Variants in AUTS2 observed in about 807,000 individuals in gnomAD.
The protein encoded by AUTS2 is autism susceptibility gene 2 protein.
A neutral mutation model predicts 112.4 loss-of-function variants in AUTS2; 17 were observed. That is an observed-to-expected ratio of 0.15 (90% CI 0.10 to 0.23). The LOEUF is 0.23. AUTS2 is among the 10% of genes least tolerant of loss of function. The pLI is 1.00. For missense variants in AUTS2, 1,510 were observed against 1,701.6 expected (o/e 0.89, Z 1.98); for synonymous variants, 751 against 702.7 (o/e 1.07, Z -1.09).
chr7:70,537,458 C>G (rs1489394894), intron 5 of AUTS2, among the ~76,000 whole-genome samples: 1 of 152,236 alleles, frequency 6.6e-6, no homozygotes, highest in Non-Finnish European at 1.5e-5. Context: ...GCCTCCTTTC[C>G]TGAGTTGATT....
chr7:70,450,333 ATGCAAAAAACTGAGCCATACTC>A (rs1796480053), intron 5 of AUTS2, among the ~76,000 whole-genome samples: 1 of 152,162 alleles, frequency 6.6e-6, no homozygotes, highest in Non-Finnish European at 1.5e-5. Flanking sequence ...TGATGTCTGA[ATGCAAAAAACTGAGCCATACTC>A]TGTAAGGGAG....
At position 70,698,602 on chromosome 7, in the gene AUTS2, A is replaced by G; in HGVS notation, c.724A>G (p.Thr242Ala). 6.2e-7 allele frequency: 1 copy of G among 1,607,352 alleles called. No homozygotes were observed. The highest frequency in any genetic ancestry group is 8.5e-7 in the Non-Finnish European group (1 of 1,177,090). The change falls in exon 6 of 19, where the codon ACT becomes GCT. Residue 242 changes from threonine to alanine, a missense_variant. Physicochemically the swap from Thr to Ala is moderately conservative, Grantham distance 58. Around this residue, in one of 3 missense-constraint regions of AUTS2, gnomAD observed 535 missense variants for 594.3 expected, o/e 0.90. Transcript: ENST00000342771. ...TGCCAGCTCTGAAAAACTCTTCAACACTGTTATTGTAAACAAAGGTAAGAC... is the reference window on the plus strand; with the variant it reads ...TGCCAGCTCTGAAAAACTCTTCAACGCTGTTATTGTAAACAAAGGTAAGAC... ...SDASSEKLFN[T>A]VIVNKDPELG...
intron 3 of AUTS2, among the ~76,000 whole-genome samples, chr7:70,122,843 C>CT (rs1471009828): frequency 2.1e-5 from 3 of 143,872 alleles, no homozygotes; most frequent in African/African-American, 7.7e-5. Flanking sequence ...CTATGGCAAT[C>CT]TGAAATCTGC....
chr7:70,642,790 C>CGTTAA lies in AUTS2; in HGVS notation c.691-55777_691-55776insTAAGT, dbSNP rs34399786. Among the ~76,000 whole-genome samples the CGTTAA allele has an allele frequency of 2.6e-5, 4 of 151,812 alleles. No individual in the cohort carries two copies. In the East Asian group the frequency reaches 5.8e-4, roughly 22 times the overall value. On this transcript the variant is annotated intron_variant, in intron 5 of 18. Coordinates refer to ENST00000342771, the MANE Select transcript of AUTS2 (RefSeq NM_015570.4). ...CTCTCGCTGTCAGCACATAAACATGCGTGTCAACTCCCCTTCTCGTGCATC... is the reference window on the plus strand; with the variant it reads ...CTCTCGCTGTCAGCACATAAACATGCGTTAAGTGTCAACTCCCCTTCTCGTGCATC...
At chr7:70,132,606 C>A (rs930055033) in intron 3 of AUTS2, among the ~76,000 whole-genome samples, 1 of 152,156 alleles carries the variant, frequency 6.6e-6, no homozygotes, top group Non-Finnish European at 1.5e-5. Flanking sequence ...TTCAGTCAGA[C>A]CTGCATAAAC....
intron 4 of AUTS2, among the ~76,000 whole-genome samples, chr7:70,217,874 A>G (rs1299951223): frequency 6.6e-6 from 1 of 152,194 alleles, no homozygotes; most frequent in Non-Finnish European, 1.5e-5. Context: ...ATTTTTTGTA[A>G]GAGGTTGGTT....
At chr7:70,342,214 A>G (rs1187664616) in intron 4 of AUTS2, among the ~76,000 whole-genome samples, 2 of 152,110 alleles carry the variant, frequency 1.3e-5, no homozygotes, top group African/African-American at 4.8e-5. Flanking sequence ...GTGCCCATCC[A>G]TCACTTCACA....
intron 5 of AUTS2, among the ~76,000 whole-genome samples, chr7:70,685,926 C>T (rs1431568739): frequency 6.6e-6 from 1 of 152,120 alleles, no homozygotes; most frequent in Non-Finnish European, 1.5e-5. Flanking sequence ...AGAAGCTGCA[C>T]CCATGCCCGG....
chr7:69,726,046 G>T (rs1786493413), intron 1 of AUTS2, among the ~76,000 whole-genome samples: 1 of 151,970 alleles, frequency 6.6e-6, no homozygotes, highest in Non-Finnish European at 1.5e-5. Context: ...TTTTTTTTAG[G>T]ATATTGTTTA....
At chr7:70,214,074 G>A (rs999712372) in intron 4 of AUTS2, among the ~76,000 whole-genome samples, 7 of 152,092 alleles carry the variant, frequency 4.6e-5, no homozygotes, top group African/African-American at 1.7e-4. Context: ...TATTTCTAAG[G>A]TCTTAGAAAT....
chr7:69,931,227 C>T (rs969286809), intron 2 of AUTS2, among the ~76,000 whole-genome samples: 1 of 152,056 alleles, frequency 6.6e-6, no homozygotes, highest in African/African-American at 2.4e-5. Context: ...ATCTCCAGAA[C>T]CTCATACCAT....
At chr7:69,901,196 AC>A (rs1341299620) in intron 2 of AUTS2, among the ~76,000 whole-genome samples, 3 of 151,966 alleles carry the variant, frequency 2.0e-5, no homozygotes, top group African/African-American at 7.3e-5. Flanking sequence ...GGTATTTGTG[AC>A]TCCTAACTCA....
intron 1 of AUTS2, among the ~76,000 whole-genome samples, chr7:69,714,261 G>A (rs947550907): frequency 2.1e-5 from 3 of 140,872 alleles, no homozygotes; most frequent in Non-Finnish European, 3.0e-5. Context: ...GTGTGTGTGT[G>A]TGTGTGTGTG....
intron 2 of AUTS2, among the ~76,000 whole-genome samples, chr7:69,968,569 T>C (rs1459390088): frequency 6.6e-6 from 1 of 152,162 alleles, no homozygotes; most frequent in Non-Finnish European, 1.5e-5. Context: ...AGGTAGAGCA[T>C]TGGACTGCAG....
intron 1 of AUTS2, among the ~76,000 whole-genome samples, chr7:69,810,350 A>G (rs1790494811): frequency 6.6e-6 from 1 of 152,178 alleles, no homozygotes; most frequent in African/African-American, 2.4e-5. Flanking sequence ...GGATTCTCAT[A>G]AGGATTAACT....
intron 5 of AUTS2, among the ~76,000 whole-genome samples, chr7:70,685,891 G>T (rs1406150965): frequency 6.6e-6 from 1 of 152,156 alleles, no homozygotes; most frequent in Non-Finnish European, 1.5e-5. Flanking sequence ...ACCAGCAATT[G>T]CAGAGACTCC....
chr7:70,052,105 T>C (rs550439911), intron 2 of AUTS2, among the ~76,000 whole-genome samples: 1 of 152,308 alleles, frequency 6.6e-6, no homozygotes, highest in East Asian at 1.9e-4. Flanking sequence ...ATGATGAGTA[T>C]TGTGCAGTGC....
In AUTS2 at chr7:70,486,466, G is replaced by A. The variant is rs566948719; in HGVS notation, c.690+50685G>A. ...GTTAGTTGTTGTTTGGCCAGGCACG[G>A]TGGCTCACGCCTGTAATCCCAACAC... On this transcript the variant is annotated intron_variant, in intron 5 of 18. Transcript: ENST00000342771. Among the ~76,000 whole-genome samples the A allele has an allele frequency of 4.6e-5, 7 of 152,264 alleles. 1 individual carries two copies. The highest frequency in any genetic ancestry group is 1.0e-4 in the Non-Finnish European group (7 of 68,054).
At chr7:70,323,443 G>T (rs1184509368) in intron 4 of AUTS2, among the ~76,000 whole-genome samples, 2 of 152,190 alleles carry the variant, frequency 1.3e-5, no homozygotes, top group Non-Finnish European at 1.5e-5. Flanking sequence ...TAAGGGTAAA[G>T]ATAGATGTAG....
Sources: gnomAD v4.1 joint callset for allele counts (sites outside exome capture counted in the v4.1 genomes callset) on GRCh38, gnomAD v4.1.1 for gene constraint, gnomAD v4.1.1 regional missense constraint, MANE v1.5 for transcripts, NCBI Gene and HGNC (gene_info 2026-07-23, HGNC 2026-07-21) for gene names.